The following PSEN1 variants were observed in gnomAD, a reference collection of about 807,000 sequenced individuals.
PSEN1 encodes the protein presenilin 1.
Under a neutral mutation model 53.5 loss-of-function variants are expected in PSEN1, and 15 were observed. That is an observed-to-expected ratio of 0.28 (90% confidence interval 0.19 to 0.43). PSEN1 has a LOEUF of 0.43. Among genes scored for constraint, PSEN1 ranks in the 20% least tolerant of loss-of-function variants. PSEN1 has a pLI of 1.00. For synonymous variants in PSEN1, 208 were observed against 209.8 expected, an observed-to-expected ratio of 0.99 and a Z score of 0.08; for missense variants, 387 against 571.2, an observed-to-expected ratio of 0.68 and a Z score of 3.29.
chr14:73,173,019 AG>A (rs1202314056), intron 4 of PSEN1, among the ~76,000 whole-genome samples: 1 of 152,204 alleles, frequency 6.6e-6, no homozygotes, highest in Non-Finnish European at 1.5e-5. Context: ...AATATAAGGG[AG>A]TCAGAAGTAA....
intron 3 of PSEN1, among the ~76,000 whole-genome samples, chr14:73,165,744 G>T (rs111475952): frequency 7.4e-6 from 1 of 135,188 alleles, no homozygotes; most frequent in Non-Finnish European, 1.6e-5. Flanking sequence ...GTGAAACTCC[G>T]TCTTAAAAAA....
Position 73,184,511 on chromosome 14 carries a change from C to G in PSEN1, c.481-2342C>G, listed in dbSNP as rs1175550102. Among the ~76,000 whole-genome samples, 177 of 123,444 alleles carry G rather than the reference C, an allele frequency of 1.4e-3. 2 individuals carry two copies. The highest frequency in any genetic ancestry group is 5.4e-3 in the African/African-American group (165 of 30,530). The allele number at this position is 123,444 out of a possible 152,430, so 81.0% of individuals were successfully genotyped here. A position where few individuals can be genotyped will look rare whatever the true frequency, so the allele number is the denominator to read the frequency against. On this transcript the variant is annotated intron_variant, in intron 5 of 11. Transcript: ENST00000324501. ...CTCCCGGACGGGGCGGCTGGCCGGGCGGGGGGCTGACCCCCCCACCTCCCT... is the reference window on the plus strand; with the variant it reads ...CTCCCGGACGGGGCGGCTGGCCGGGGGGGGGGCTGACCCCCCCACCTCCCT...
intron 7 of PSEN1, 63 bp from the exon 8 acceptor site, chr14:73,197,968 C>T (rs911142345): frequency 4.5e-6 from 4 of 887,360 alleles, no homozygotes; most frequent in Admixed American, 1.8e-5. Flanking sequence ...TCCTCCCTAC[C>T]ACCCATTTAC....
chr14:73,145,574 A>G (rs1310458778), intron 1 of PSEN1, among the ~76,000 whole-genome samples: 1 of 151,736 alleles, frequency 6.6e-6, no homozygotes, highest in African/African-American at 2.4e-5. Context: ...CCTGGCCTCA[A>G]GTAGTAACAC....
At chr14:73,192,407 C>T (rs905604387) in intron 6 of PSEN1, among the ~76,000 whole-genome samples, 3 of 152,056 alleles carry the variant, frequency 2.0e-5, no homozygotes, top group Non-Finnish European at 4.4e-5. Context: ...CACCACTTTA[C>T]TCCAGCCTGG....
intron 10 of PSEN1, among the ~76,000 whole-genome samples, chr14:73,212,338 T>G (rs1462230094): frequency 6.6e-6 from 1 of 152,016 alleles, no homozygotes; most frequent in Non-Finnish European, 1.5e-5. Flanking sequence ...CTTGAACTCC[T>G]GACATCATGA....
intron 5 of PSEN1, among the ~76,000 whole-genome samples, chr14:73,184,396 C>T (rs533761451): frequency 3.3e-4 from 39 of 117,554 alleles, no homozygotes; most frequent in African/African-American, 1.2e-3. Context: ...GGGGGCTGAC[C>T]CCCCCACCTC....
chr14:73,222,969 T>C lies in PSEN1; in HGVS notation c.*3680T>C, dbSNP rs1882665994. ...GGTTTTGCCCTTGGGCTGGAAACTA[T>C]CATATAATCATAAGTTTGAGCCTAG... is the stretch of plus-strand genomic sequence containing the variant. On this transcript the variant is annotated 3_prime_UTR_variant, in exon 12 of 12. Coordinates refer to ENST00000324501, the MANE Select transcript of PSEN1 (RefSeq NM_000021.4). 6.6e-6 allele frequency: 1 copy of C among 152,244 alleles called. No individual in the cohort carries two copies. The highest frequency in any genetic ancestry group is 2.1e-4 in the South Asian group (1 of 4,832). The allele number at this position is 152,244 out of a possible 1,614,324, so 9.4% of individuals were successfully genotyped here.
intron 7 of PSEN1, among the ~76,000 whole-genome samples, chr14:73,197,175 C>T (rs1168525586): frequency 3.3e-5 from 5 of 152,098 alleles, no homozygotes; most frequent in Admixed American, 2.0e-4. Flanking sequence ...CCTTGTGATC[C>T]GCCCACCTCG....
chr14:73,171,820 A>T (rs1421932985), intron 4 of PSEN1, among the ~76,000 whole-genome samples: 1 of 152,242 alleles, frequency 6.6e-6, no homozygotes, highest in Non-Finnish European at 1.5e-5. Context: ...ATACTGGCGT[A>T]TTAATTCTTT....
intron 5 of PSEN1, among the ~76,000 whole-genome samples, chr14:73,185,313 A>G (rs562625477): frequency 2.6e-5 from 4 of 152,268 alleles, no homozygotes; most frequent in Admixed American, 6.5e-5. Flanking sequence ...CAGCCTGGGC[A>G]CCATTGAGCA....
intron 5 of PSEN1, among the ~76,000 whole-genome samples, chr14:73,186,344 A>G (rs775771736): frequency 2.0e-5 from 3 of 151,918 alleles, no homozygotes; most frequent in Non-Finnish European, 4.4e-5. Flanking sequence ...GCGCCATTGC[A>G]CTCCATTCTG....
chr14:73,149,353 G>C (rs547579643), intron 3 of PSEN1, among the ~76,000 whole-genome samples: 1 of 151,694 alleles, frequency 6.6e-6, no homozygotes, highest in Admixed American at 6.6e-5. Context: ...CACAGTTATG[G>C]TACATCTGGG....
chr14:73,144,291 T>C (rs1897009274), intron 1 of PSEN1, among the ~76,000 whole-genome samples: 1 of 152,134 alleles, frequency 6.6e-6, no homozygotes, highest in Admixed American at 6.6e-5. Context: ...CTGCCCACCT[T>C]GGCCTCCCAA....
intron 1 of PSEN1, among the ~76,000 whole-genome samples, chr14:73,144,320 G>A (rs1287097114): frequency 6.6e-6 from 1 of 152,030 alleles, no homozygotes; most frequent in South Asian, 2.1e-4. Flanking sequence ...GATTACAGGC[G>A]TGAGCCACTG....
At chr14:73,174,651 T>G (rs936849443) in intron 5 of PSEN1, among the ~76,000 whole-genome samples, 7 of 152,198 alleles carry the variant, frequency 4.6e-5, no homozygotes, top group Admixed American at 1.3e-4. Flanking sequence ...TAAAATACGG[T>G]ATAACTAAAA....
At chr14:73,211,585 C>T (rs1291489704) in intron 9 of PSEN1, among the ~76,000 whole-genome samples, 184 bp from the exon 10 acceptor site, 1 of 152,134 alleles carries the variant, frequency 6.6e-6, no homozygotes, top group Non-Finnish European at 1.5e-5. Context: ...AGGATTCTGC[C>T]CTCAGGAAAT....
At chr14:73,152,001 T>A (rs2140517617) in intron 3 of PSEN1, among the ~76,000 whole-genome samples, 1 of 127,838 alleles carries the variant, frequency 7.8e-6, no homozygotes, top group Admixed American at 9.2e-5. Context: ...AAGTTCTGCA[T>A]CCCGGGTTCA....
chr14:73,170,744 C>T (rs1897860715), intron 3 of PSEN1, 53 bp from the exon 4 acceptor site: 4 of 1,602,734 alleles, frequency 2.5e-6, no homozygotes, highest in Non-Finnish European at 3.4e-6. Context: ...TAACCGTTAC[C>T]TTGATTCTGC....
Sources: gnomAD v4.1 joint callset for allele counts (sites outside exome capture counted in the v4.1 genomes callset) on GRCh38, gnomAD v4.1.1 for gene constraint, MANE v1.5 for transcripts, NCBI Gene and HGNC (gene_info 2026-07-23, HGNC 2026-07-21) for gene names.